The following ZNF236 variants were observed in gnomAD, a reference collection of about 807,000 sequenced individuals.
ZNF236 encodes the protein zinc finger protein 236.
A neutral mutation model predicts 191.2 loss-of-function variants in ZNF236; 50 were observed. That is an observed-to-expected ratio of 0.26 (90% CI 0.21 to 0.33). The LOEUF (loss-of-function observed/expected upper bound fraction) is 0.33, where lower values mean the gene tolerates loss of function less well. ZNF236 is among the 10% of genes least tolerant of loss of function. The probability of loss-of-function intolerance (pLI) is 1.00; values close to 1 mark genes in which losing one functional copy is unlikely to be tolerated. For synonymous variants in ZNF236, 907 were observed against 928.8 expected (o/e 0.98, Z 0.43); for missense variants, 1,754 against 2,374.5 (o/e 0.74, Z 5.43).
At chr18:76,840,775 C>CTGTGTGTG (rs113251935) in intron 1 of ZNF236, 13,611 of 114,678 alleles carry the variant, frequency 0.12, 983 homozygotes, top group East Asian at 0.3. Flanking sequence ...TCTTTATAAC[C>CTGTGTGTG]TGTGTGTGTG....
At chr18:76,926,219 T>A (rs997076453) in intron 22 of ZNF236, among the ~76,000 whole-genome samples, 2 of 152,176 alleles carry the variant, frequency 1.3e-5, no homozygotes, top group Admixed American at 6.5e-5. Context: ...GTGTATGGTA[T>A]AAAGTGTATC....
chr18:76,825,601 C>A (rs570397155), intron 1 of ZNF236, among the ~76,000 whole-genome samples: 2 of 140,710 alleles, frequency 1.4e-5, no homozygotes, highest in East Asian at 4.6e-4. Context: ...AAAATGAAAA[C>A]CATTCTTAAC....
intron 9 of ZNF236, among the ~76,000 whole-genome samples, chr18:76,882,231 G>A (rs770576305): frequency 6.6e-6 from 1 of 152,058 alleles, no homozygotes; most frequent in South Asian, 2.1e-4. Context: ...AATCTTGGCC[G>A]TCATTCAAGC....
At position 76,919,683 on chromosome 18, in the gene ZNF236, A is replaced by T. The variant is rs1967478624; in HGVS notation, c.3275-93A>T. The T allele has an allele frequency of 1.4e-6, 2 of 1,414,152 alleles. No individual in the cohort carries two copies. The highest frequency in any genetic ancestry group is 4.1e-5 in the Admixed American group (2 of 48,726). The allele number at this position is 1,414,152 out of a possible 1,614,324, so 87.6% of individuals were successfully genotyped here. A position where few individuals can be genotyped will look rare whatever the true frequency, so the allele number is the denominator to read the frequency against. On this transcript the variant is annotated intron_variant, in intron 19 of 30. Coordinates refer to ENST00000320610, the MANE Select transcript of ZNF236 (RefSeq NM_001306089.2). The surrounding 1 kb of genome is among the most constrained non-coding windows in gnomAD (Gnocchi z 5.3). Reference sequence around the variant, plus strand: ...TAGCTTGGTTGAGTTATTAATTTTCATTACATACATACCTATTTAGTTTTA... The same window carrying T: ...TAGCTTGGTTGAGTTATTAATTTTCTTTACATACATACCTATTTAGTTTTA...
rs571777844 is a variant in ZNF236 at position 76,925,936 on chromosome 18, G to A, written c.4027+382G>A. 1.3e-5 allele frequency among the ~76,000 whole-genome samples: 2 copies of A among 152,316 alleles called. No homozygotes were observed. The highest frequency in any genetic ancestry group is 3.9e-4 in the East Asian group (2 of 5,188). ...TCCAGTTGTTCTTGCGTCTCATAGT[G>A]CTTGAGAAGTGTTACATTTTAGCTA... On this transcript the variant is annotated intron_variant, in intron 22 of 30. Transcript: ENST00000320610. The surrounding 1 kb of genome is among the most constrained non-coding windows in gnomAD (Gnocchi z 5.7).
intron 1 of ZNF236, among the ~76,000 whole-genome samples, chr18:76,831,919 A>G (rs948193661): frequency 1.1e-4 from 17 of 152,134 alleles, no homozygotes; most frequent in African/African-American, 3.4e-4. Context: ...TGAGTTTTTT[A>G]TAGTCTCCTA....
chr18:76,969,332 G>A lies in ZNF236; in HGVS notation c.*993G>A, dbSNP rs1968863821. The A allele has an allele frequency of 2.0e-5, 3 of 152,624 alleles. No homozygotes were observed. The South Asian group carries it at 6.2e-4, about 32-fold the overall frequency. The allele number at this position is 152,624 out of a possible 1,614,324, so 9.5% of individuals were successfully genotyped here. On this transcript the variant is annotated 3_prime_UTR_variant, in exon 31 of 31. Coordinates refer to ENST00000320610, the MANE Select transcript of ZNF236 (RefSeq NM_001306089.2). ...CCCAAACCAAATCCCACCCGTGCTGGGCAGAGTGCGTGCACGCCATTCCTA... is the reference window on the plus strand; with the variant it reads ...CCCAAACCAAATCCCACCCGTGCTGAGCAGAGTGCGTGCACGCCATTCCTA...
rs192711385 is a variant in ZNF236 at position 76,894,691 on chromosome 18, A to C, written c.1418-322A>C. Among the ~76,000 whole-genome samples the C allele has an allele frequency of 8.7e-3, 1,329 of 152,232 alleles. 8 individuals are homozygous for C. Among genetic ancestry groups the C allele is most frequent in the Non-Finnish European group, 0.013 (905 of 68,024 alleles). Reference sequence around the variant, plus strand: ...CATTCCTTCTCTTCTCGTTCCCTGCATTAAGCATGAGGTCATTCGATCCCA... The same window carrying C: ...CATTCCTTCTCTTCTCGTTCCCTGCCTTAAGCATGAGGTCATTCGATCCCA... On this transcript the variant is annotated intron_variant, in intron 9 of 30. Coordinates refer to ENST00000320610, the MANE Select transcript of ZNF236 (RefSeq NM_001306089.2).
At chr18:76,963,997 A>G (rs1048369501) in intron 30 of ZNF236, among the ~76,000 whole-genome samples, 5 of 151,942 alleles carry the variant, frequency 3.3e-5, no homozygotes, top group Non-Finnish European at 5.9e-5. Flanking sequence ...TATCAATTTT[A>G]TTTATGTTTT....
In ZNF236 at chr18:76,866,757, T is replaced by C. The variant is rs188153491; in HGVS notation, c.364-1928T>C. 5.9e-5 allele frequency among the ~76,000 whole-genome samples: 9 copies of C among 152,322 alleles called. No individual in the cohort carries two copies. The East Asian group carries it at 1.7e-3, about 29-fold the overall frequency. ...TGGAAGGCCCGTTGTCCTAGTGGCC[T>C]GTGACTATACATGGGGTGTTGTTCT... On this transcript the variant is annotated intron_variant, in intron 3 of 30. Coordinates refer to ENST00000320610, the MANE Select transcript of ZNF236 (RefSeq NM_001306089.2).
At chr18:76,860,785 A>G (rs1976196521) in intron 3 of ZNF236, among the ~76,000 whole-genome samples, 1 of 152,178 alleles carries the variant, frequency 6.6e-6, no homozygotes, top group Non-Finnish European at 1.5e-5. Flanking sequence ...CTTTTGAGAA[A>G]TATGTGTTTT....
At position 76,960,347 on chromosome 18, in the gene ZNF236, C is replaced by T. The variant is rs187078286; in HGVS notation, c.5243-332C>T. The stretch of plus-strand genomic sequence containing the variant: ...TAGCTCGTGTCAGCCCTTCCGTCTC[C>T]GCCCTGCCCTAACAGGACATCATCC... On this transcript the variant is annotated intron_variant, in intron 29 of 30. Transcript: ENST00000320610. The surrounding 1 kb of genome is among the most constrained non-coding windows in gnomAD (Gnocchi z 4.4). 1.4e-3 allele frequency among the ~76,000 whole-genome samples: 210 copies of T among 152,304 alleles called. 3 individuals are homozygous for T. Among genetic ancestry groups the T allele is most frequent in the African/African-American group, 4.4e-3 (181 of 41,566 alleles).
At chr18:76,851,739 T>C (rs373365030) in intron 2 of ZNF236, 36 bp from the exon 3 acceptor site, 87 of 1,588,100 alleles carry the variant, frequency 5.5e-5, no homozygotes, top group Non-Finnish European at 1.6e-5. Flanking sequence ...GAAAAGATTG[T>C]ATTTCAGTGG....
At chr18:76,944,942 C>A (rs1218958677) in intron 26 of ZNF236, among the ~76,000 whole-genome samples, 2 of 152,162 alleles carry the variant, frequency 1.3e-5, no homozygotes, top group African/African-American at 4.8e-5. Flanking sequence ...TCCACATACA[C>A]TTACCCAGTT....
At position 76,947,619 on chromosome 18, in the gene ZNF236, A is replaced by G. The variant is rs1968296457; in HGVS notation, c.4881A>G (p.Ser1627=). ...TACTAGTGAGCCACACGCCACAGTC[A>G]GCGTCTGCTGCTTGTGAAGAAATAG... ...QVILVSHTPQ[S]ASAACEEIAY... Residue 1627 remains serine, a synonymous_variant, in exon 27 of 31, where the codon TCA becomes TCG. Transcript: ENST00000320610. 1.2e-6 allele frequency: 2 copies of G among 1,613,868 alleles called. No homozygotes were observed. The highest frequency in any genetic ancestry group is 1.3e-5 in the African/African-American group (1 of 74,890).
chr18:76,889,063 C>G (rs559568186), intron 9 of ZNF236, among the ~76,000 whole-genome samples: 12 of 152,316 alleles, frequency 7.9e-5, no homozygotes, highest in African/African-American at 2.6e-4. Context: ...CTGACTCTTG[C>G]TAGTCCCACC....
intron 3 of ZNF236, among the ~76,000 whole-genome samples, chr18:76,853,471 T>C (rs1367039965): frequency 1.3e-5 from 2 of 152,194 alleles, no homozygotes; most frequent in Non-Finnish European, 2.9e-5. Flanking sequence ...CATCTTATAA[T>C]ACAAGTAATG....
At chr18:76,840,452 C>A (rs1975447545) in intron 1 of ZNF236, among the ~76,000 whole-genome samples, 1 of 151,880 alleles carries the variant, frequency 6.6e-6, no homozygotes, top group East Asian at 2.0e-4. Context: ...TGAGATTGTG[C>A]CATTGCACTC....
At chr18:76,845,896 A>G (rs774561538) in intron 1 of ZNF236, among the ~76,000 whole-genome samples, 4 of 151,816 alleles carry the variant, frequency 2.6e-5, no homozygotes, top group Admixed American at 6.6e-5. Flanking sequence ...TCCCATGAAG[A>G]GGCGGTCATT....
Sources: allele counts gnomAD v4.1 joint callset (sites outside exome capture counted in the v4.1 genomes callset), GRCh38; gene constraint gnomAD v4.1.1; non-coding constraint Gnocchi (gnomAD v3.1); transcripts MANE v1.5; gene names NCBI Gene and HGNC (gene_info 2026-07-23, HGNC 2026-07-21).